The following LHFPL2 variants were observed in gnomAD, a reference collection of about 807,000 sequenced individuals.
LHFPL2 encodes the protein LHFPL tetraspan subfamily member 2 protein.
Under a neutral mutation model 17.5 loss-of-function variants are expected in LHFPL2, and 7 were observed. That is an observed-to-expected ratio of 0.40 (90% CI 0.23 to 0.75). The LOEUF (loss-of-function observed/expected upper bound fraction) is 0.75, where lower values mean the gene tolerates loss of function less well. Among genes scored for constraint, LHFPL2 ranks in the 30% least tolerant of loss-of-function variants. The pLI is 0.37. For missense variants in LHFPL2, 241 were observed against 294.8 expected (o/e 0.82, Z 1.34); for synonymous variants, 134 against 116.2 (o/e 1.15, Z -0.99).
At chr5:78,531,927 A>T (rs868750285) in intron 3 of LHFPL2, among the ~76,000 whole-genome samples, 5 of 141,904 alleles carry the variant, frequency 3.5e-5, no homozygotes, top group African/African-American at 1.0e-4. Flanking sequence ...TGCCCGGCTA[A>T]TTTTTTTTTT....
At chr5:78,501,303 C>T (rs1247534875) in intron 4 of LHFPL2, among the ~76,000 whole-genome samples, 9 of 152,110 alleles carry the variant, frequency 5.9e-5, no homozygotes, top group African/African-American at 1.9e-4. Flanking sequence ...GTGAATACAT[C>T]GGCTTGATGA....
intron 2 of LHFPL2, among the ~76,000 whole-genome samples, chr5:78,598,252 T>C: frequency 6.6e-6 from 1 of 152,230 alleles, no homozygotes; most frequent in Non-Finnish European, 1.5e-5. Flanking sequence ...TTCCTTTTGA[T>C]GACATCATCT....
chr5:78,488,977 C>T lies in LHFPL2; in HGVS notation c.607G>A (p.Ala203Thr), dbSNP rs113051460. The T allele has an allele frequency of 6.2e-7, 1 of 1,614,168 alleles. No homozygotes were observed. Among genetic ancestry groups the T allele is most frequent in the South Asian group, 1.1e-5 (1 of 91,086 alleles). ...VLTFICAVFS[A>T]QAEIATSSDK... is the part of the protein sequence containing the mutation. ...CTAGAGGTTGCAATTTCTGCTTGTG[C>T]AGAGAAGACAGCACAGATGAAAGTG... is the stretch of plus-strand genomic sequence containing the variant. The change falls in exon 5 of 5, where the codon GCA becomes ACA. Residue 203 changes from alanine (A) to threonine (T), a missense_variant. Transcript: ENST00000380345.
At chr5:78,642,657 C>A (rs1745714259) in intron 1 of LHFPL2, among the ~76,000 whole-genome samples, 1 of 152,148 alleles carries the variant, frequency 6.6e-6, no homozygotes, top group East Asian at 1.9e-4. Context: ...AAAGAACTCC[C>A]TCTATCATCT....
chr5:78,532,506 C>T (rs964347947), intron 3 of LHFPL2, among the ~76,000 whole-genome samples: 19 of 152,038 alleles, frequency 1.2e-4, no homozygotes, highest in African/African-American at 4.6e-4. Flanking sequence ...AGCCTGGGGC[C>T]CTGATGACAT....
chr5:78,589,413 T>C (rs754477727), intron 2 of LHFPL2, among the ~76,000 whole-genome samples: 1 of 148,250 alleles, frequency 6.7e-6, no homozygotes, highest in African/African-American at 2.5e-5. Context: ...GAGGCTGCAA[T>C]GAGCCGAGAT....
chr5:78,553,043 T>G (rs982468464), intron 3 of LHFPL2, among the ~76,000 whole-genome samples: 2 of 152,154 alleles, frequency 1.3e-5, no homozygotes, highest in African/African-American at 4.8e-5. Flanking sequence ...CAGAAATGGG[T>G]TCGCCACAAA....
chr5:78,631,142 C>T (rs1580875012), intron 2 of LHFPL2, among the ~76,000 whole-genome samples: 7 of 152,242 alleles, frequency 4.6e-5, no homozygotes, highest in Admixed American at 4.6e-4. Context: ...AACAAATGCT[C>T]AAGCCACTGA....
rs989190151 is a variant in LHFPL2, at chr5:78,555,070, G to A, written c.-186+9743C>T. Among the ~76,000 whole-genome samples, 5 of 152,230 alleles carry A rather than the reference G, an allele frequency of 3.3e-5. No homozygotes were observed. The South Asian group carries it at 8.3e-4, about 25-fold the overall frequency. The stretch of plus-strand genomic sequence containing the variant: ...CCCTGGGAGGTAAGCTGAAAAACTA[G>A]CTAATAAAGGATAATTCCAATGTAA... On this transcript the variant is annotated intron_variant, in intron 3 of 4. Transcript: ENST00000380345.
intron 2 of LHFPL2, among the ~76,000 whole-genome samples, chr5:78,603,425 C>T (rs1346841203): frequency 6.6e-6 from 1 of 152,062 alleles, no homozygotes; most frequent in Non-Finnish European, 1.5e-5. Flanking sequence ...TTGTTTTGTT[C>T]TTTCTCATTA....
In LHFPL2 at chr5:78,581,340, T is replaced by A. The variant is rs183237713; in HGVS notation, c.-244-16469A>T. On this transcript the variant is annotated intron_variant, in intron 2 of 4. Transcript: ENST00000380345. ...CTTCCAACACTATATTGAATAGGAG[T>A]GGTGAGAGAGGGCATCCCTGTCTTG... Among the ~76,000 whole-genome samples, 550 of 152,092 alleles carry A rather than the reference T, an allele frequency of 3.6e-3. 4 individuals are homozygous for A. The highest frequency in any genetic ancestry group is 0.012 in the African/African-American group (513 of 41,456).
intron 3 of LHFPL2, among the ~76,000 whole-genome samples, chr5:78,538,987 T>C (rs1756028440): frequency 6.6e-6 from 1 of 152,202 alleles, no homozygotes; most frequent in Non-Finnish European, 1.5e-5. Flanking sequence ...ATAATGACCC[T>C]AGGCAAGGCA....
In LHFPL2 at chr5:78,488,809, G is replaced by C. The variant is rs1754337032; in HGVS notation, c.*88C>G. ...GTGGAACGTGGCTTTGGTAGGTAAA[G>C]GTTAGTTCTCCACTTGACTCAAATG... On this transcript the variant is annotated 3_prime_UTR_variant, in exon 5 of 5. Transcript: ENST00000380345. 6.1e-6 allele frequency: 9 copies of C among 1,485,030 alleles called. No homozygotes were observed. Among genetic ancestry groups the C allele is most frequent in the Non-Finnish European group, 8.3e-6 (9 of 1,088,178 alleles). 92.0% of individuals were successfully genotyped at this position (1,485,030 alleles called of 1,614,324 possible).
At chr5:78,531,504 T>C (rs1755784024) in intron 3 of LHFPL2, among the ~76,000 whole-genome samples, 1 of 152,044 alleles carries the variant, frequency 6.6e-6, no homozygotes, top group South Asian at 2.1e-4. Flanking sequence ...TCTTTTTGCC[T>C]CAGGTTCCAC....
chr5:78,565,100 G>A (rs1686178413), intron 2 of LHFPL2, among the ~76,000 whole-genome samples: 1 of 152,242 alleles, frequency 6.6e-6, no homozygotes, highest in Admixed American at 6.5e-5. Flanking sequence ...AGGCCAGGGG[G>A]GAATGTCCAG....
chr5:78,504,927 A>G (rs3822475), intron 4 of LHFPL2, among the ~76,000 whole-genome samples: 58,268 of 152,118 alleles, frequency 0.38, 12,927 homozygotes, highest in Non-Finnish European at 0.5. Flanking sequence ...GAGGGAGTAG[A>G]GTGTGAGAGC....
chr5:78,537,369 C>A (rs983407979), intron 3 of LHFPL2, among the ~76,000 whole-genome samples: 1 of 152,140 alleles, frequency 6.6e-6, no homozygotes, highest in African/African-American at 2.4e-5. Flanking sequence ...TCTTGCCCCC[C>A]AAAAATGGTT....
chr5:78,638,714 A>C (rs1327369829), intron 1 of LHFPL2, among the ~76,000 whole-genome samples: 1 of 152,230 alleles, frequency 6.6e-6, no homozygotes, highest in Non-Finnish European at 1.5e-5. Flanking sequence ...GAGCAGCACC[A>C]GTTAATGACT....
At chr5:78,492,592 C>G (rs1754481437) in intron 4 of LHFPL2, among the ~76,000 whole-genome samples, 1 of 152,230 alleles carries the variant, frequency 6.6e-6, no homozygotes, top group Non-Finnish European at 1.5e-5. Flanking sequence ...TCTAATGGCT[C>G]AGGTGTGACT....
Sources: gnomAD v4.1 joint callset for allele counts (sites outside exome capture counted in the v4.1 genomes callset) on GRCh38, gnomAD v4.1.1 for gene constraint, MANE v1.5 for transcripts, NCBI Gene and HGNC (gene_info 2026-07-23, HGNC 2026-07-21) for gene names.